Variants in BARHL1 observed in about 807,000 individuals in gnomAD.
BARHL1 encodes the protein BarH like homeobox 1.
Under a neutral mutation model 20.1 loss-of-function variants are expected in BARHL1, and 2 were observed. The observed-to-expected ratio is 0.10, with a 90% CI of 0.04 to 0.31. The LOEUF (loss-of-function observed/expected upper bound fraction) is 0.31, where lower values mean the gene tolerates loss of function less well. Among genes scored for constraint, BARHL1 ranks in the 10% least tolerant of loss-of-function variants. The pLI is 1.00. For synonymous variants in BARHL1, 213 were observed against 209.9 expected (o/e 1.01, Z -0.13); for missense variants, 397 against 454.0 (o/e 0.87, Z 1.14).
Position 132,587,261 on chromosome 9 carries a change from C to A in BARHL1, c.467-68C>A. 3 of 1,406,346 alleles carry A rather than the reference C, an allele frequency of 2.1e-6. No homozygotes were observed. The highest frequency in any genetic ancestry group is 1.3e-5 in the South Asian group (1 of 77,866). 87.1% of individuals were successfully genotyped at this position (1,406,346 alleles called of 1,614,324 possible). A position where few individuals can be genotyped will look rare whatever the true frequency, so the allele number is the denominator to read the frequency against. On this transcript the variant is annotated intron_variant, in intron 1 of 2. Transcript: ENST00000263610. This position sits in a 1 kb window ranked among gnomAD's most constrained non-coding sequence, Gnocchi z 5.5. Reference sequence around the variant, plus strand: ...GGAAGCCGAGGTTACACAAACGCCACGGGCAGGAGCGGGAGGGCACCGGCG... The same window carrying A: ...GGAAGCCGAGGTTACACAAACGCCAAGGGCAGGAGCGGGAGGGCACCGGCG...
chr9:132,589,547 C>T lies in BARHL1; in HGVS notation c.*25C>T. Reference sequence around the variant, plus strand: ...AGGCGCCCGTCGGCTCCGGGGCCTCCTCCCGCGGGCTCGGCGTGGCCCCTT... The same window carrying T: ...AGGCGCCCGTCGGCTCCGGGGCCTCTTCCCGCGGGCTCGGCGTGGCCCCTT... On this transcript the variant is annotated 3_prime_UTR_variant, in exon 3 of 3. Transcript: ENST00000263610. 2 of 1,272,150 alleles carry T rather than the reference C, an allele frequency of 1.6e-6. No homozygotes were observed. The highest frequency in any genetic ancestry group is 8.5e-5 in the Admixed American group (2 of 23,416). The allele number at this position is 1,272,150 out of a possible 1,614,324, so 78.8% of individuals were successfully genotyped here.
At chr9:132,586,083 C>T (rs990295618) in intron 1 of BARHL1, among the ~76,000 whole-genome samples, 1 of 152,256 alleles carries the variant, frequency 6.6e-6, no homozygotes, top group Non-Finnish European at 1.5e-5. Context: ...AGCGGGCTGC[C>T]GTTTCTCCTC....
rs752499320 is a variant in BARHL1, at chr9:132,589,288, C to T, written c.750C>T (p.Tyr250=). Residue 250 remains tyrosine, a synonymous_variant, in exon 3 of 3, where the codon TAC becomes TAT. Coordinates refer to ENST00000263610, the MANE Select transcript of BARHL1 (RefSeq NM_020064.4). ...AGCTGCTGGCGGAGGCAGGCAATTA[C>T]TCAGCGCTCCAGCGGATGTTCCCGT... The part of the protein sequence containing the change: ...GLELLAEAGN[Y]SALQRMFPSP... 1 of 1,613,364 alleles carries T rather than the reference C, an allele frequency of 6.2e-7. No individual in the cohort carries two copies. Among genetic ancestry groups the T allele is most frequent in the Admixed American group, 1.7e-5 (1 of 60,004 alleles).
chr9:132,586,213 A>T (rs1418525403), intron 1 of BARHL1, among the ~76,000 whole-genome samples: 1 of 152,224 alleles, frequency 6.6e-6, no homozygotes, highest in African/African-American at 2.4e-5. Context: ...TTTCCTACAG[A>T]GAGAAATCAC....
rs752703018 is a variant in BARHL1, at chr9:132,589,477, G to GC, written c.946dup (p.Leu316ProfsTer69). ...GCGCCAGCGAGCCGCCCCCGCCGCT[G>GC]CCCCCCCTGGCCGGCGTCCTCCCAC... On this transcript the variant is annotated frameshift_variant, in exon 3 of 3. Transcript: ENST00000263610. LOFTEE classifies it low-confidence loss of function (END_TRUNC). 1.5e-5 allele frequency: 22 copies of GC among 1,490,800 alleles called. No individual in the cohort carries two copies. The highest frequency in any genetic ancestry group is 5.8e-5 in the African/African-American group (4 of 68,570). The allele number at this position is 1,490,800 out of a possible 1,614,324, so 92.3% of individuals were successfully genotyped here.
At chr9:132,588,417 G>C (rs1830167687) in intron 2 of BARHL1, among the ~76,000 whole-genome samples, 1 of 152,162 alleles carries the variant, frequency 6.6e-6, no homozygotes. Flanking sequence ...CAATAATTAA[G>C]GCCTGTTACA....
At position 132,587,289 on chromosome 9, in the gene BARHL1, G is replaced by A. The variant is rs1489311075; in HGVS notation, c.467-40G>A. The A allele has an allele frequency of 2.6e-6, 4 of 1,538,050 alleles. No homozygotes were observed. Among genetic ancestry groups the A allele is most frequent in the Non-Finnish European group, 3.5e-6 (4 of 1,138,352 alleles). On this transcript the variant is annotated intron_variant, in intron 1 of 2. Transcript: ENST00000263610. The surrounding 1 kb of genome is among the most constrained non-coding windows in gnomAD (Gnocchi z 5.5). ...GCAGGAGCGGGAGGGCACCGGCGGC[G>A]GCTGCGAGGCCGGGCCCTGACATGC...
At position 132,589,696 on chromosome 9, in the gene BARHL1, G is replaced by T. The variant is rs975365320; in HGVS notation, c.*174G>T. 86 of 906,196 alleles carry T rather than the reference G, an allele frequency of 9.5e-5. No individual in the cohort carries two copies. The East Asian group carries it at 2.3e-3, about 24-fold the overall frequency. 56.1% of individuals were successfully genotyped at this position (906,196 alleles called of 1,614,324 possible). A position where few individuals can be genotyped will look rare whatever the true frequency, so the allele number is the denominator to read the frequency against. On this transcript the variant is annotated 3_prime_UTR_variant, in exon 3 of 3. Transcript: ENST00000263610. ...CAAATGCCAAGTCCACTGAGGCCCG[G>T]ACCCCGGACTGCGTCTCCCCAGCCC...
At position 132,589,260 on chromosome 9, in the gene BARHL1, T is replaced by C. The variant is rs1161112053; in HGVS notation, c.722T>C (p.Leu241Ser). The C allele has an allele frequency of 6.2e-7, 1 of 1,612,404 alleles. No individual in the cohort carries two copies. The highest frequency in any genetic ancestry group is 1.3e-5 in the African/African-American group (1 of 74,910). ...TKWKRQTAVG[L>S]ELLAEAGNYS... ...TGGAAGCGACAGACGGCCGTCGGGT[T>C]GGAGCTGCTGGCGGAGGCAGGCAAT... The change falls in exon 3 of 3, where the codon TTG (leucine) becomes TCG (serine). Residue 241 changes from leucine (L) to serine (S), a missense_variant. By Grantham distance (145) the Leu-to-Ser change is moderately radical (BLOSUM62 -2). Around this residue, in one of 3 missense-constraint regions of BARHL1, gnomAD observed 121 missense variants for 135.9 expected, o/e 0.89. Coordinates refer to ENST00000263610, the MANE Select transcript of BARHL1 (RefSeq NM_020064.4).
Position 132,589,458 on chromosome 9 carries a change from G to A in BARHL1, c.920G>A (p.Ser307Asn). 1.3e-6 allele frequency: 2 copies of A among 1,513,488 alleles called. No homozygotes were observed. The highest frequency in any genetic ancestry group is 1.8e-6 in the Non-Finnish European group (2 of 1,134,618). 93.8% of individuals were successfully genotyped at this position (1,513,488 alleles called of 1,614,324 possible). The change falls in exon 3 of 3, where the codon AGC becomes AAC. Residue 307 changes from serine (S) to asparagine (N), a missense_variant. By Grantham distance (46) the Ser-to-Asn change is conservative. Transcript: ENST00000263610. Reference sequence around the variant, plus strand: ...CTCATCCACGGACTCCAGGGCGCCAGCGAGCCGCCCCCGCCGCTGCCCCCC... The same window carrying A: ...CTCATCCACGGACTCCAGGGCGCCAACGAGCCGCCCCCGCCGCTGCCCCCC... ...RILIHGLQGA[S>N]EPPPPLPPLA...
rs376566705 is a variant in BARHL1, at chr9:132,582,844, G to A, written c.47G>A (p.Arg16His). 25 of 1,608,360 alleles carry A rather than the reference G, an allele frequency of 1.6e-5. No individual in the cohort carries two copies. Among genetic ancestry groups the A allele is most frequent in the Non-Finnish European group, 2.1e-5 (25 of 1,176,968 alleles). Residue 16 changes from arginine to histidine, a missense_variant, in exon 1 of 3, where the codon CGC (arginine) becomes CAC (histidine). Physicochemically the swap from Arg to His is conservative, Grantham distance 29. Around this residue, in one of 3 missense-constraint regions of BARHL1, gnomAD observed 272 missense variants for 298.7 expected, o/e 0.91. Transcript: ENST00000263610. ...GGGATCGACTCCATTCTCTCCCACCGCGCGGGCAGCCCCGCCCTTCCCAAG... is the reference window on the plus strand; with the variant it reads ...GGGATCGACTCCATTCTCTCCCACCACGCGGGCAGCCCCGCCCTTCCCAAG... ...GFGIDSILSH[R>H]AGSPALPKGD...
rs1163663096 is a variant in BARHL1, at chr9:132,587,230, G to A, written c.467-99G>A. 5 of 1,183,450 alleles carry A rather than the reference G, an allele frequency of 4.2e-6. No homozygotes were observed. The East Asian group carries it at 1.0e-4, about 24-fold the overall frequency. The allele number at this position is 1,183,450 out of a possible 1,614,324, so 73.3% of individuals were successfully genotyped here. ...CGAGCTTGGGTGTCGCGGAACCACC[G>A]CTGTCGGAAGCCGAGGTTACACAAA... On this transcript the variant is annotated intron_variant, in intron 1 of 2. Transcript: ENST00000263610. This position sits in a 1 kb window ranked among gnomAD's most constrained non-coding sequence, Gnocchi z 5.5.
chr9:132,587,567 G>T lies in BARHL1; in HGVS notation c.689+16G>T. The T allele has an allele frequency of 6.3e-7, 1 of 1,594,360 alleles. No individual in the cohort carries two copies. On this transcript the variant is annotated intron_variant, in intron 2 of 2. Coordinates refer to ENST00000263610, the MANE Select transcript of BARHL1 (RefSeq NM_020064.4). This position sits in a 1 kb window ranked among gnomAD's most constrained non-coding sequence, Gnocchi z 5.5. ...AGAACCGCAGGTGAGGCCTGGCTGC[G>T]GGGGTAGAGGCAGAAAGGGAACTTC...
intron 1 of BARHL1, among the ~76,000 whole-genome samples, chr9:132,584,167 AAGGG>A (rs915937470): frequency 6.5e-5 from 9 of 139,060 alleles, no homozygotes; most frequent in African/African-American, 1.8e-4. Flanking sequence ...GGAAGGAAGG[AAGGG>A]AAAGGGAAGA....
At position 132,587,346 on chromosome 9, in the gene BARHL1, C is replaced by A. The variant is rs769575191; in HGVS notation, c.484C>A (p.Arg162Ser). Reference protein sequence around the residue: ...SEYKVKEEGDREISSSRDSPP... With the variant: ...SEYKVKEEGDSEISSSRDSPP... ...GTCCGCAGTGAAGGAGGAGGGCGAC[C>A]GCGAGATCTCCAGCTCCAGGGACAG... is the stretch of plus-strand genomic sequence containing the variant. Residue 162 changes from arginine to serine, a missense_variant, in exon 2 of 3, where the codon CGC becomes AGC. Arg to Ser is a moderately radical substitution (Grantham distance 110, BLOSUM62 -1). Coordinates refer to ENST00000263610, the MANE Select transcript of BARHL1 (RefSeq NM_020064.4). The surrounding 1 kb of genome is among the most constrained non-coding windows in gnomAD (Gnocchi z 5.5). 1 of 1,606,610 alleles carries A rather than the reference C, an allele frequency of 6.2e-7. No individual in the cohort carries two copies. The highest frequency in any genetic ancestry group is 1.1e-5 in the South Asian group (1 of 89,298).
Position 132,589,545 on chromosome 9 carries a change from T to TCCTCCCGCGGGCTCGGCGTGGCCC in BARHL1, c.*25_*48dup, listed in dbSNP as rs1830184340. On this transcript the variant is annotated 3_prime_UTR_variant, in exon 3 of 3. Coordinates refer to ENST00000263610, the MANE Select transcript of BARHL1 (RefSeq NM_020064.4). ...TGAGGCGCCCGTCGGCTCCGGGGCC[T>TCCTCCCGCGGGCTCGGCGTGGCCC]CCTCCCGCGGGCTCGGCGTGGCCCC... The TCCTCCCGCGGGCTCGGCGTGGCCC allele has an allele frequency of 2.2e-5, 28 of 1,274,498 alleles. No individual in the cohort carries two copies. The South Asian group carries it at 8.0e-4, about 37-fold the overall frequency. The allele number at this position is 1,274,498 out of a possible 1,614,324, so 78.9% of individuals were successfully genotyped here. A position where few individuals can be genotyped will look rare whatever the true frequency, so the allele number is the denominator to read the frequency against.
chr9:132,589,327 C>A lies in BARHL1; in HGVS notation c.789C>A (p.Tyr263Ter). 6.2e-7 allele frequency: 1 copy of A among 1,613,604 alleles called. No homozygotes were observed. Among genetic ancestry groups the A allele is most frequent in the Non-Finnish European group, 8.5e-7 (1 of 1,180,008 alleles). The change falls in exon 3 of 3, where the codon TAC (tyrosine) becomes TAA (stop). Residue 263 changes from tyrosine (Y) to a stop codon, truncating the protein, a stop_gained. Transcript: ENST00000263610. LOFTEE classifies it high-confidence loss of function. Reference sequence around the variant, plus strand: ...GGATGTTCCCGTCGCCTTATTTCTACCCGCAGAGTCTGGTTTCCAACCTGG... The same window carrying A: ...GGATGTTCCCGTCGCCTTATTTCTAACCGCAGAGTCTGGTTTCCAACCTGG... Reference protein sequence around the residue: ...LQRMFPSPYFYPQSLVSNLDP... With the variant: ...LQRMFPSPYF
At position 132,582,844 on chromosome 9, in the gene BARHL1, G is replaced by T. The variant is rs376566705; in HGVS notation, c.47G>T (p.Arg16Leu). The stretch of plus-strand genomic sequence containing the variant: ...GGGATCGACTCCATTCTCTCCCACC[G>T]CGCGGGCAGCCCCGCCCTTCCCAAG... ...GFGIDSILSH[R>L]AGSPALPKGD... Residue 16 changes from arginine (R) to leucine (L), a missense_variant, in exon 1 of 3, where the codon CGC becomes CTC. Transcript: ENST00000263610. The T allele has an allele frequency of 6.2e-7, 1 of 1,608,242 alleles. No homozygotes were observed. The highest frequency in any genetic ancestry group is 8.5e-7 in the Non-Finnish European group (1 of 1,176,976).
chr9:132,587,458 G>A lies in BARHL1; in HGVS notation c.596G>A (p.Arg199Gln), dbSNP rs781279661. Residue 199 changes from arginine (R) to glutamine (Q), a missense_variant, in exon 2 of 3, where the codon CGG becomes CAG. Arg to Gln is a conservative substitution (Grantham distance 43). Transcript: ENST00000263610. This position sits in a 1 kb window ranked among gnomAD's most constrained non-coding sequence, Gnocchi z 5.5. ...GCGCAGCTGGAGCGCAGCTTCGAGCGGCAGAAGTACCTGAGCGTGCAGGAC... is the reference window on the plus strand; with the variant it reads ...GCGCAGCTGGAGCGCAGCTTCGAGCAGCAGAAGTACCTGAGCGTGCAGGAC... ...QLAQLERSFERQKYLSVQDRM... is the reference protein window; with the variant it reads ...QLAQLERSFEQQKYLSVQDRM... 1.4e-5 allele frequency: 22 copies of A among 1,612,406 alleles called. No homozygotes were observed. Among genetic ancestry groups the A allele is most frequent in the Non-Finnish European group, 1.8e-5 (21 of 1,179,654 alleles).
Sources: allele counts gnomAD v4.1 joint callset (sites outside exome capture counted in the v4.1 genomes callset), GRCh38; gene constraint gnomAD v4.1.1; regional missense constraint gnomAD v4.1.1; non-coding constraint Gnocchi (gnomAD v3.1); transcripts MANE v1.5; gene names NCBI Gene and HGNC (gene_info 2026-07-23, HGNC 2026-07-21).